Variants in CEMIP observed in about 807,000 individuals in gnomAD.
The protein encoded by CEMIP is cell migration inducing hyaluronidase 1.
A neutral mutation model predicts 156.9 loss-of-function variants in CEMIP; 105 were observed. The ratio of observed to expected loss-of-function variants is 0.67; its 90% CI spans 0.57 to 0.79. CEMIP has a LOEUF of 0.79. Ranked by LOEUF, CEMIP falls within the 30% of genes least tolerant of loss-of-function variation. CEMIP has a pLI of 0.00. For missense variants in CEMIP, 1,457 were observed against 1,769.4 expected (o/e 0.82, Z 3.17); for synonymous variants, 676 against 668.4 (o/e 1.01, Z -0.17).
intron 1 of CEMIP, among the ~76,000 whole-genome samples, chr15:80,785,169 T>G (rs1347958462): frequency 2.6e-5 from 4 of 152,214 alleles, no homozygotes; most frequent in Admixed American, 2.6e-4. Context: ...GCAGAGGCAT[T>G]TGAATGTAAT....
At chr15:80,858,068 C>G (rs1897895671) in intron 1 of CEMIP, among the ~76,000 whole-genome samples, 1 of 152,062 alleles carries the variant, frequency 6.6e-6, no homozygotes, top group Non-Finnish European at 1.5e-5. Context: ...AGGGTCAGGC[C>G]ACACAGGGCT....
chr15:80,803,782 T>A (rs994175735), intron 1 of CEMIP, among the ~76,000 whole-genome samples: 1 of 152,174 alleles, frequency 6.6e-6, no homozygotes, highest in Non-Finnish European at 1.5e-5. Context: ...GACCCACAGG[T>A]CTCTACTTTG....
At chr15:80,826,628 T>G (rs1200000091) in intron 1 of CEMIP, among the ~76,000 whole-genome samples, 2 of 152,218 alleles carry the variant, frequency 1.3e-5, no homozygotes, top group Non-Finnish European at 2.9e-5. Flanking sequence ...AGCCTCCACC[T>G]TTCGCTGTTA....
intron 6 of CEMIP, among the ~76,000 whole-genome samples, chr15:80,881,656 TGGG>T (rs1168606905): frequency 6.6e-6 from 1 of 152,024 alleles, no homozygotes; most frequent in African/African-American, 2.4e-5. Context: ...GAGTTACAAA[TGGG>T]GGCGGGACAG....
At chr15:80,882,044 G>A (rs1179034414) in intron 6 of CEMIP, among the ~76,000 whole-genome samples, 1 of 152,156 alleles carries the variant, frequency 6.6e-6, no homozygotes, top group Non-Finnish European at 1.5e-5. Context: ...CAGAGACAGA[G>A]CTACCCTGGG....
rs959667734 is a variant in CEMIP at position 80,932,460 on chromosome 15, G to A, written c.2793+421G>A. Among the ~76,000 whole-genome samples the A allele has an allele frequency of 4.6e-5, 7 of 152,144 alleles. No homozygotes were observed. Among genetic ancestry groups the A allele is most frequent in the South Asian group, 4.2e-4 (2 of 4,816 alleles). ...ATGATGTTCTGTTTAATCTCTCCCC[G>A]AGAGCAGACTATAAACAGAGGCCTC... On this transcript the variant is annotated intron_variant, in intron 22 of 29. Transcript: ENST00000394685. The surrounding 1 kb of genome is among the most constrained non-coding windows in gnomAD (Gnocchi z 4.5).
At chr15:80,791,043 A>G (rs972126791) in intron 1 of CEMIP, among the ~76,000 whole-genome samples, 1 of 152,130 alleles carries the variant, frequency 6.6e-6, no homozygotes, top group Non-Finnish European at 1.5e-5. Flanking sequence ...GAAAAGTACA[A>G]TTTCTCCCAG....
intron 13 of CEMIP, among the ~76,000 whole-genome samples, chr15:80,907,388 C>T (rs1272381365): frequency 1.3e-5 from 2 of 152,198 alleles, no homozygotes; most frequent in African/African-American, 4.8e-5. Context: ...CATGGTGAAA[C>T]CCCGTCTCTA....
At chr15:80,893,780 G>A (rs896855786) in intron 10 of CEMIP, among the ~76,000 whole-genome samples, 1 of 151,790 alleles carries the variant, frequency 6.6e-6, no homozygotes. Context: ...CTTCTTCCAA[G>A]CCAAAGATAA....
intron 1 of CEMIP, among the ~76,000 whole-genome samples, chr15:80,825,095 C>T (rs2094264377): frequency 6.6e-6 from 1 of 152,112 alleles, no homozygotes; most frequent in Non-Finnish European, 1.5e-5. Flanking sequence ...TCATCAGCAC[C>T]CCAGCCTGCT....
At chr15:80,928,754 C>A in intron 19 of CEMIP, 148 bp from the exon 20 acceptor site, 1 of 1,005,210 alleles carries the variant, frequency 9.9e-7, no homozygotes, top group Non-Finnish European at 1.5e-6. Flanking sequence ...GCCACAACTC[C>A]CTGAGCACGA....
rs553883191 is a variant in CEMIP at position 80,780,010 on chromosome 15, G to A, written c.-176+396G>A. 1.1e-4 allele frequency among the ~76,000 whole-genome samples: 16 copies of A among 152,270 alleles called. No individual in the cohort carries two copies. The South Asian group carries it at 3.3e-3, about 32-fold the overall frequency. On this transcript the variant is annotated intron_variant, in intron 1 of 29. Transcript: ENST00000394685. The stretch of plus-strand genomic sequence containing the variant: ...TCGCCGAGGAGGGAGTACCACAAGG[G>A]TCAGGTCTCGGTGTCCTGCCGACTG...
chr15:80,838,861 C>A (rs1446554529), intron 1 of CEMIP, among the ~76,000 whole-genome samples: 5 of 152,208 alleles, frequency 3.3e-5, no homozygotes, highest in Non-Finnish European at 7.3e-5. Context: ...TAGGACGGGG[C>A]AGACTGAGTA....
At chr15:80,898,447 A>G (rs1291729812) in intron 12 of CEMIP, among the ~76,000 whole-genome samples, 1 of 152,220 alleles carries the variant, frequency 6.6e-6, no homozygotes, top group Non-Finnish European at 1.5e-5. Flanking sequence ...ATAATTTAGC[A>G]GCTATGCTTA....
chr15:80,922,016 G>A lies in CEMIP; in HGVS notation c.2081G>A (p.Gly694Glu). The change falls in exon 17 of 30, where the codon GGA becomes GAA. Residue 694 changes from glycine (G) to glutamate (E), a missense_variant. Transcript: ENST00000394685. ...TGTGTCCTTCCCCAACAGGAAACTGGATTTTGGTTTATTTTTCACCACGTA... is the reference window on the plus strand; with the variant it reads ...TGTGTCCTTCCCCAACAGGAAACTGAATTTTGGTTTATTTTTCACCACGTA... ...NCAAAGSEET[G>E]FWFIFHHVPT... is the part of the protein sequence containing the mutation. The A allele has an allele frequency of 6.2e-7, 1 of 1,614,216 alleles. No homozygotes were observed. The highest frequency in any genetic ancestry group is 8.5e-7 in the Non-Finnish European group (1 of 1,180,040).
intron 1 of CEMIP, among the ~76,000 whole-genome samples, chr15:80,788,011 C>T (rs1359448308): frequency 6.6e-6 from 1 of 152,158 alleles, no homozygotes; most frequent in Non-Finnish European, 1.5e-5. Context: ...TTGGTCTCCT[C>T]AAGCCCCCTA....
At chr15:80,877,441 A>T (rs1898512785) in intron 3 of CEMIP, among the ~76,000 whole-genome samples, 1 of 150,994 alleles carries the variant, frequency 6.6e-6, no homozygotes, top group Admixed American at 6.6e-5. Context: ...TCACCTTCCC[A>T]CCTCCTCACC....
At chr15:80,887,609 T>C in intron 7 of CEMIP, 85 bp from the exon 8 acceptor site, 1 of 1,039,056 alleles carries the variant, frequency 9.6e-7, no homozygotes, top group Non-Finnish European at 1.5e-6. Context: ...TGACGCTGCT[T>C]CAACTCTGCC....
In CEMIP at chr15:80,888,724, C is replaced by T. The variant is rs550082260; in HGVS notation, c.892C>T (p.Arg298Trp). ...AGGACATCGAGGCTCTGCTGCTGCCCGGGTATTCAAATTGTTCCAGACAGA... is the reference window on the plus strand; with the variant it reads ...AGGACATCGAGGCTCTGCTGCTGCCTGGGTATTCAAATTGTTCCAGACAGA... ...YHGHRGSAAA[R>W]VFKLFQTEHG... Residue 298 changes from arginine (R) to tryptophan (W), a missense_variant, in exon 9 of 30, where the codon CGG becomes TGG. By Grantham distance (101) the Arg-to-Trp change is moderately radical. Around this residue, in one of 5 missense-constraint regions of CEMIP, gnomAD observed 17 missense variants for 43.7 expected, o/e 0.39. Transcript: ENST00000394685. 66 of 1,614,024 alleles carry T rather than the reference C, an allele frequency of 4.1e-5. No homozygotes were observed. Among genetic ancestry groups the T allele is most frequent in the Admixed American group, 2.7e-4 (16 of 60,010 alleles).
Sources: allele counts gnomAD v4.1 joint callset (sites outside exome capture counted in the v4.1 genomes callset), GRCh38; gene constraint gnomAD v4.1.1; regional missense constraint gnomAD v4.1.1; non-coding constraint Gnocchi (gnomAD v3.1); transcripts MANE v1.5; gene names NCBI Gene and HGNC (gene_info 2026-07-23, HGNC 2026-07-21).